The following FBXO34 variants were observed in gnomAD, a reference collection of about 807,000 sequenced individuals.
The protein encoded by FBXO34 is F-box only protein 34.
A neutral mutation model predicts 24.5 loss-of-function variants in FBXO34; 12 were observed. That is an observed-to-expected ratio of 0.49 (90% confidence interval 0.31 to 0.79). FBXO34 has a LOEUF of 0.79. Among genes scored for constraint, FBXO34 ranks in the 30% least tolerant of loss-of-function variants. FBXO34 has a pLI of 0.04. For synonymous variants in FBXO34, 320 were observed against 311.9 expected, an observed-to-expected ratio of 1.03 and a Z score of -0.27; for missense variants, 823 against 857.7, an observed-to-expected ratio of 0.96 and a Z score of 0.51.
chr14:55,388,634 A>C, the FBXO34 span, among the ~76,000 whole-genome samples: 1 of 152,240 alleles, frequency 6.6e-6, no homozygotes, highest in African/African-American at 2.4e-5. Flanking sequence ...GAAATAATTC[A>C]TCAGTCTCTA....
chr14:55,273,565 A>G (rs770827563), intron 1 of FBXO34, among the ~76,000 whole-genome samples: 14 of 152,228 alleles, frequency 9.2e-5, no homozygotes, highest in Non-Finnish European at 1.6e-4. Context: ...TTTGTATACA[A>G]AATTTTGTAT....
chr14:55,361,949 G>A (rs545685190), downstream of FBXO34: 1 of 152,308 alleles, frequency 6.6e-6, no homozygotes, highest in East Asian at 1.9e-4. Context: ...AATCATTTGT[G>A]TGTTCACTGG....
chr14:55,440,417 G>T, the FBXO34 span: 9 of 1,612,852 alleles, frequency 5.6e-6, no homozygotes, highest in Non-Finnish European at 7.6e-6. Flanking sequence ...ACTGGTCCAG[G>T]TAGAGCTCCA....
the FBXO34 span, among the ~76,000 whole-genome samples, chr14:55,385,706 G>A: frequency 1.3e-5 from 2 of 152,300 alleles, no homozygotes; most frequent in African/African-American, 4.8e-5. Flanking sequence ...TTTCTGCGGT[G>A]CGTACTGTTT....
At position 55,351,581 on chromosome 14, in the gene FBXO34, G is replaced by T. The variant is rs757129700; in HGVS notation, c.1191G>T (p.Val397=). The part of the protein sequence containing the change: ...AELEPGSQTA[V]KNSNRYDVEM... ...TAGAGCCGGGTTCGCAAACTGCCGTGAAAAACAGCAACAGATATGATGTGG... is the reference window on the plus strand; with the variant it reads ...TAGAGCCGGGTTCGCAAACTGCCGTTAAAAACAGCAACAGATATGATGTGG... The change falls in exon 2 of 2, where the codon GTG becomes GTT. Residue 397 remains valine (V), a synonymous_variant. Coordinates refer to ENST00000313833, the MANE Select transcript of FBXO34 (RefSeq NM_017943.4). The T allele has an allele frequency of 1.2e-6, 2 of 1,614,172 alleles. No homozygotes were observed. Among genetic ancestry groups the T allele is most frequent in the Non-Finnish European group, 8.5e-7 (1 of 1,180,032 alleles).
the FBXO34 span, among the ~76,000 whole-genome samples, chr14:55,420,543 A>G: frequency 6.6e-6 from 1 of 152,236 alleles, no homozygotes; most frequent in Non-Finnish European, 1.5e-5. Flanking sequence ...GTAGTAAGTC[A>G]TGGATTAACT....
At chr14:55,428,689 G>A in the FBXO34 span, 8 of 1,099,226 alleles carry the variant, frequency 7.3e-6, no homozygotes, top group African/African-American at 1.6e-5. Context: ...TCACTATTGT[G>A]TCCCCCGCCT....
At chr14:55,378,853 G>C in the FBXO34 span, among the ~76,000 whole-genome samples, 1 of 152,038 alleles carries the variant, frequency 6.6e-6, no homozygotes, top group African/African-American at 2.4e-5. Context: ...CTATAGGTGT[G>C]TGTCACCACA....
At chr14:55,427,531 G>C in the FBXO34 span, among the ~76,000 whole-genome samples, 4 of 152,108 alleles carry the variant, frequency 2.6e-5, no homozygotes. Context: ...AAGATAAGGC[G>C]TTGGAATGAA....
chr14:55,365,236 A>AC (rs1243237207), downstream of FBXO34, among the ~76,000 whole-genome samples: 23 of 150,354 alleles, frequency 1.5e-4, no homozygotes, highest in Middle Eastern at 3.4e-3. Flanking sequence ...AAAAAAAAAA[A>AC]AAAAAAAAAC....
At chr14:55,322,437 GTCTC>G (rs1384038116) in intron 1 of FBXO34, among the ~76,000 whole-genome samples, 1 of 151,890 alleles carries the variant, frequency 6.6e-6, no homozygotes, top group African/African-American at 2.4e-5. Context: ...CTAAAGTATT[GTCTC>G]TCTCCTCCCC....
At chr14:55,436,587 T>C in the FBXO34 span, 1 of 1,614,168 alleles carries the variant, frequency 6.2e-7, no homozygotes, top group Non-Finnish European at 8.5e-7. Flanking sequence ...TTCCACAACA[T>C]TCTGAAATAG....
chr14:55,414,223 T>G, the FBXO34 span: 46 of 598,090 alleles, frequency 7.7e-5, no homozygotes, highest in Middle Eastern at 3.6e-4. Flanking sequence ...TGAATAAGAA[T>G]TTTTCTTCGT....
the FBXO34 span, among the ~76,000 whole-genome samples, chr14:55,392,203 A>T: frequency 6.6e-6 from 1 of 152,146 alleles, no homozygotes; most frequent in Non-Finnish European, 1.5e-5. Context: ...GCCACCACTG[A>T]TCTGACAGGA....
At chr14:55,300,254 A>G (rs1205768222) in intron 1 of FBXO34, among the ~76,000 whole-genome samples, 2 of 152,156 alleles carry the variant, frequency 1.3e-5, no homozygotes, top group African/African-American at 2.4e-5. Flanking sequence ...GCTTTAGTCT[A>G]TAGTCCATTT....
rs543066658 is a variant in FBXO34 at position 55,358,833 on chromosome 14, T to TG, written c.*589-2895dup. On this transcript the variant is annotated intron_variant and NMD_transcript_variant, in intron 3 of 3. Coordinates refer to the FBXO34 transcript ENST00000555280. ...ACCCTAGACCTATTAAATCAACCAC[T>TG]GGGGGTGGGAGCTCCCAGGTGATTC... Among the ~76,000 whole-genome samples, 285 of 152,164 alleles carry TG rather than the reference T, an allele frequency of 1.9e-3. 1 individual carries two copies. The highest frequency in any genetic ancestry group is 6.3e-3 in the African/African-American group (262 of 41,508).
At chr14:55,333,697 T>G (rs1883675884) in intron 1 of FBXO34, among the ~76,000 whole-genome samples, 1 of 149,360 alleles carries the variant, frequency 6.7e-6, no homozygotes, top group South Asian at 2.1e-4. Context: ...TATCAGGAAT[T>G]TTGTTAGTGC....
the FBXO34 span, among the ~76,000 whole-genome samples, chr14:55,420,294 C>A: frequency 6.6e-6 from 1 of 152,212 alleles, no homozygotes; most frequent in African/African-American, 2.4e-5. Flanking sequence ...TGGTCTTGAA[C>A]TCAGCCTCCC....
At chr14:55,417,536 C>T in the FBXO34 span, among the ~76,000 whole-genome samples, 1 of 151,588 alleles carries the variant, frequency 6.6e-6, no homozygotes, top group African/African-American at 2.4e-5. Context: ...TCACTGCAAC[C>T]TCTGCCTCCT....
Sources: gnomAD v4.1 joint callset for allele counts (sites outside exome capture counted in the v4.1 genomes callset) on GRCh38, gnomAD v4.1.1 for gene constraint, MANE v1.5 for transcripts, NCBI Gene and HGNC (gene_info 2026-07-23, HGNC 2026-07-21) for gene names.